The following CCNB3 variants were observed in gnomAD, a reference collection of about 807,000 sequenced individuals.
CCNB3 encodes the protein G2/mitotic-specific cyclin-B3.
A neutral mutation model predicts 68.0 loss-of-function variants in CCNB3; 12 were observed. That is an observed-to-expected ratio of 0.18 (90% confidence interval 0.11 to 0.29). The LOEUF (loss-of-function observed/expected upper bound fraction) is 0.29. CCNB3 is among the 10% of genes least tolerant of loss of function. The pLI, the probability that CCNB3 is intolerant of heterozygous loss-of-function variation, is 1.00. For missense variants in CCNB3, 904 were observed against 993.1 expected (o/e 0.91, Z 1.21); for synonymous variants, 354 against 388.9 (o/e 0.91, Z 1.06).
chrX:50,285,053 G>A lies in CCNB3; in HGVS notation c.-37-74G>A, dbSNP rs180771475. The A allele has an allele frequency of 9.3e-5, 54 of 581,429 alleles. No individual in the cohort carries two copies. In the African/African-American group the frequency reaches 1.1e-3, roughly 12 times the overall value. The allele number at this position is 581,429 out of a possible 1,213,427, so 47.9% of individuals were successfully genotyped here. The stretch of plus-strand genomic sequence containing the variant: ...CCTAGGGATGCTATAGATAGACTGG[G>A]TTTTCTCAAGAATTTTCAGAGAATT... On this transcript the variant is annotated intron_variant, in intron 2 of 12. Coordinates refer to ENST00000376042, the MANE Select transcript of CCNB3 (RefSeq NM_033031.3).
chrX:50,208,542 A>G (rs1557205881), intron 1 of CCNB3, among the ~76,000 whole-genome samples: 1 of 112,344 alleles, frequency 8.9e-6, no homozygotes, highest in Non-Finnish European at 1.9e-5. Flanking sequence ...ATGTTGGATT[A>G]CATGGGTTGA....
At chrX:50,214,570 GTC>G (rs1459385590) in intron 1 of CCNB3, among the ~76,000 whole-genome samples, 3 of 76,547 alleles carry the variant, frequency 3.9e-5, no homozygotes, top group African/African-American at 1.3e-4. Flanking sequence ...TATATCATCT[GTC>G]TCTCTCCCTA....
chrX:50,227,648 GAATATATATAAA>G (rs1389112239), intron 1 of CCNB3, among the ~76,000 whole-genome samples: 5 of 89,195 alleles, frequency 5.6e-5, no homozygotes, highest in Non-Finnish European at 6.4e-5. Context: ...TATATAGAGA[GAATATATATAAA>G]AATATATATA....
chrX:50,227,235 T>TATATATATACAGAATATATATATAA (rs1381831730), intron 1 of CCNB3, among the ~76,000 whole-genome samples: 1 of 78,471 alleles, frequency 1.3e-5, no homozygotes, highest in Non-Finnish European at 2.3e-5. Context: ...TATATATAAA[T>TATATATATACAGAATATATATATAA]ATATATATAC....
intron 6 of CCNB3, among the ~76,000 whole-genome samples, chrX:50,312,170 A>G (rs1422749271): frequency 9.0e-6 from 1 of 111,246 alleles, no homozygotes; most frequent in Non-Finnish European, 1.9e-5. Context: ...GGAGGAAAAG[A>G]CTACCAAGAT....
intron 3 of CCNB3, among the ~76,000 whole-genome samples, 171 bp downstream of exon 3, chrX:50,285,430 G>T (rs1277929600): frequency 9.0e-6 from 1 of 111,105 alleles, no homozygotes; most frequent in Non-Finnish European, 1.9e-5. Flanking sequence ...AACTTGGGGA[G>T]AAAGTATGGA....
intron 1 of CCNB3, among the ~76,000 whole-genome samples, chrX:50,214,814 C>CTCTCAAAT (rs1235199723): frequency 3.1e-4 from 33 of 105,773 alleles, no homozygotes; most frequent in Admixed American, 3.0e-3. Context: ...CCATGTTTGC[C>CTCTCAAAT]TCTCAAATTG....
At chrX:50,307,397 A>T (rs1255304640) in intron 5 of CCNB3, among the ~76,000 whole-genome samples, 3 of 111,456 alleles carry the variant, frequency 2.7e-5, no homozygotes, top group Non-Finnish European at 5.6e-5. Flanking sequence ...AGTAAGTTGG[A>T]GGAGCCAGGA....
intron 3 of CCNB3, 109 bp downstream of exon 3, chrX:50,285,368 A>G: frequency 1.6e-6 from 1 of 608,225 alleles, no homozygotes; most frequent in Non-Finnish European, 2.7e-6. Flanking sequence ...GTTTAACCTG[A>G]GAAAGTGGGG....
chrX:50,291,931 C>T (rs111305030), intron 4 of CCNB3, among the ~76,000 whole-genome samples: 2,917 of 111,078 alleles, frequency 0.026, 93 homozygotes, highest in African/African-American at 0.091. Context: ...CTACATTTAA[C>T]TTGGAAATAA....
At chrX:50,345,514 C>T (rs1183868128) in intron 9 of CCNB3, among the ~76,000 whole-genome samples, 1 of 110,199 alleles carries the variant, frequency 9.1e-6, no homozygotes, top group Non-Finnish European at 1.9e-5. Context: ...AGGCTCTGTC[C>T]TTCCCTCCCA....
At position 50,342,290 on chromosome X, in the gene CCNB3, A is replaced by C; in HGVS notation, c.3605A>C (p.Lys1202Thr). ...ATGAAGGCAGTATGCAAGAAGGATA[A>C]GTTACAACTCCTTGGTGCCACTGCC... is the stretch of plus-strand genomic sequence containing the variant. Reference protein sequence around the residue: ...YLMKAVCKKDKLQLLGATAFM... With the variant: ...YLMKAVCKKDTLQLLGATAFM... The change falls in exon 9 of 13, where the codon AAG (lysine) becomes ACG (threonine). Residue 1202 changes from lysine (K) to threonine (T), a missense_variant. Lys to Thr is a moderately conservative substitution (Grantham distance 78). Coordinates refer to ENST00000376042, the MANE Select transcript of CCNB3 (RefSeq NM_033031.3). The C allele has an allele frequency of 8.3e-7, 1 of 1,208,740 alleles. No individual in the cohort carries two copies. The highest frequency in any genetic ancestry group is 1.1e-6 in the Non-Finnish European group (1 of 894,131).
intron 1 of CCNB3, among the ~76,000 whole-genome samples, chrX:50,226,884 A>AAT (rs1285762103): frequency 1.4e-5 from 1 of 71,313 alleles, no homozygotes; most frequent in Non-Finnish European, 2.4e-5. Context: ...ATATATATAG[A>AAT]ATATATAGTA....
At chrX:50,228,775 C>G (rs1385464810) in intron 1 of CCNB3, among the ~76,000 whole-genome samples, 12 of 43,353 alleles carry the variant, frequency 2.8e-4, no homozygotes, top group African/African-American at 1.1e-3. Flanking sequence ...ATATAGAATA[C>G]ATATATAGAA....
chrX:50,285,535 A>G (rs1936219277), intron 3 of CCNB3, among the ~76,000 whole-genome samples: 1 of 111,538 alleles, frequency 9.0e-6, no homozygotes, highest in Non-Finnish European at 1.9e-5. Flanking sequence ...GATCATGTCT[A>G]TATTCTTACT....
At chrX:50,295,879 G>T (rs1194507020) in intron 5 of CCNB3, among the ~76,000 whole-genome samples, 1 of 111,058 alleles carries the variant, frequency 9.0e-6, no homozygotes, top group African/African-American at 3.3e-5. Context: ...GAGATGTTTG[G>T]ATTATCACTC....
At chrX:50,226,777 T>C (rs1219796130) in intron 1 of CCNB3, among the ~76,000 whole-genome samples, 69 of 76,772 alleles carry the variant, frequency 9.0e-4, no homozygotes, top group East Asian at 5.1e-3. Flanking sequence ...ATAGAATATA[T>C]ATATGAATAT....
At chrX:50,328,070 G>T (rs1466930318) in intron 8 of CCNB3, among the ~76,000 whole-genome samples, 1 of 111,516 alleles carries the variant, frequency 9.0e-6, no homozygotes, top group Non-Finnish European at 1.9e-5. Flanking sequence ...AAAGAAAATT[G>T]ATTCTTTACT....
intron 8 of CCNB3, among the ~76,000 whole-genome samples, chrX:50,329,545 C>CAGTGTCCT (rs1258032573): frequency 1.8e-5 from 2 of 112,813 alleles, no homozygotes; most frequent in Non-Finnish European, 3.7e-5. Context: ...ATGCGGGGAG[C>CAGTGTCCT]AGTGTCCTGA....
Sources: allele counts gnomAD v4.1 joint callset (sites outside exome capture counted in the v4.1 genomes callset), GRCh38; gene constraint gnomAD v4.1.1; transcripts MANE v1.5; gene names NCBI Gene and HGNC (gene_info 2026-07-23, HGNC 2026-07-21).